Variants in NUB1 observed in about 807,000 individuals in gnomAD.
The protein encoded by NUB1 is negative regulator of ubiquitin like proteins 1.
A neutral mutation model predicts 77.1 loss-of-function variants in NUB1; 41 were observed. That is an observed-to-expected ratio of 0.53 (90% CI 0.41 to 0.69). The LOEUF is 0.69. NUB1 is among the 30% of genes least tolerant of loss of function. NUB1 has a pLI of 0.00. For synonymous variants in NUB1, 257 were observed against 281.0 expected, an observed-to-expected ratio of 0.91 and a Z score of 0.85; for missense variants, 643 against 743.8, an observed-to-expected ratio of 0.86 and a Z score of 1.58.
At chr7:151,348,383 GT>G (rs202123795) in intron 2 of NUB1, among the ~76,000 whole-genome samples, 1 of 148,304 alleles carries the variant, frequency 6.7e-6, no homozygotes, top group East Asian at 2.0e-4. Flanking sequence ...TATTTTCTGG[GT>G]TTTTTTTTCA....
chr7:151,376,818 C>T lies in NUB1; in HGVS notation c.1669+7C>T, dbSNP rs1466966389. Reference sequence around the variant, plus strand: ...TCCCCTTCTGACTCCGCAGGTAGGTCTGAGGTCTTTGAGGGCCGCATTGAG... The same window carrying T: ...TCCCCTTCTGACTCCGCAGGTAGGTTTGAGGTCTTTGAGGGCCGCATTGAG... On this transcript the variant is annotated splice_region_variant and intron_variant, in intron 14 of 14. Coordinates refer to ENST00000568733, the MANE Select transcript of NUB1 (RefSeq NM_001243351.2). The T allele has an allele frequency of 1.3e-6, 2 of 1,574,256 alleles. No homozygotes were observed.
chr7:151,369,560 C>T (rs183160944), intron 11 of NUB1, among the ~76,000 whole-genome samples: 10 of 152,254 alleles, frequency 6.6e-5, no homozygotes, highest in Non-Finnish European at 1.3e-4. Context: ...GGTTAAAAAA[C>T]TATAATCATT....
At chr7:151,367,342 A>G (rs1797740841) in intron 9 of NUB1, among the ~76,000 whole-genome samples, 2 of 152,204 alleles carry the variant, frequency 1.3e-5, no homozygotes, top group African/African-American at 4.8e-5. Context: ...CCAAAGGAAC[A>G]TGGTTTGCTA....
In NUB1 at chr7:151,374,239, T is replaced by C; in HGVS notation, c.1391T>C (p.Leu464Pro). 2 of 1,554,084 alleles carry C rather than the reference T, an allele frequency of 1.3e-6. No homozygotes were observed. Among genetic ancestry groups the C allele is most frequent in the Non-Finnish European group, 1.7e-6 (2 of 1,148,574 alleles). ...GCCAGCGGGAACTTGGATGAGGCCCTGAAGGTAGCAGCTCCCTCGGGGCCT... is the reference window on the plus strand; with the variant it reads ...GCCAGCGGGAACTTGGATGAGGCCCCGAAGGTAGCAGCTCCCTCGGGGCCT... ...HAASGNLDEA[L>P]KILLSNPQMW... is the part of the protein sequence containing the mutation. The change falls in exon 12 of 15, where the codon CTG becomes CCG. Residue 464 changes from leucine (L) to proline (P), a missense_variant. Coordinates refer to ENST00000568733, the MANE Select transcript of NUB1 (RefSeq NM_001243351.2).
Position 151,367,084 on chromosome 7 carries a change from A to C in NUB1, c.946A>C (p.Asn316His), listed in dbSNP as rs1480490681. The change falls in exon 9 of 15, where the codon AAT (asparagine) becomes CAT (histidine). Residue 316 changes from asparagine (N) to histidine (H), a missense_variant. Transcript: ENST00000568733. ...KLNLAQKCFKNCYGENHQRLV... is the reference protein window; with the variant it reads ...KLNLAQKCFKHCYGENHQRLV... Reference sequence around the variant, plus strand: ...AAACTTGGCCCAGAAATGCTTTAAAAATTGTTACGGAGAAAATCATCAGAG... The same window carrying C: ...AAACTTGGCCCAGAAATGCTTTAAACATTGTTACGGAGAAAATCATCAGAG... 1.9e-6 allele frequency: 3 copies of C among 1,613,896 alleles called. No homozygotes were observed. The highest frequency in any genetic ancestry group is 1.6e-4 in the Middle Eastern group (1 of 6,062).
Position 151,355,927 on chromosome 7 carries a change from G to T in NUB1, c.575G>T (p.Gly192Val). Residue 192 changes from glycine (G) to valine (V), a missense_variant, in exon 6 of 15, where the codon GGA becomes GTA. By Grantham distance (109) the Gly-to-Val change is moderately radical (BLOSUM62 -3). Transcript: ENST00000568733. ...AAACAAATTCAGAGGACCAAGAGAG[G>T]ACTAGAAATACTGGCAAAGAGAGGT... is the stretch of plus-strand genomic sequence containing the variant. ...KEKQIQRTKRGLEILAKRAAE... is the reference protein window; with the variant it reads ...KEKQIQRTKRVLEILAKRAAE... The T allele has an allele frequency of 6.2e-7, 1 of 1,613,824 alleles. No homozygotes were observed. The highest frequency in any genetic ancestry group is 1.3e-5 in the African/African-American group (1 of 75,002).
At chr7:151,345,734 G>T (rs921522511) in intron 2 of NUB1, among the ~76,000 whole-genome samples, 24 of 152,042 alleles carry the variant, frequency 1.6e-4, no homozygotes, top group African/African-American at 5.6e-4. Context: ...AACTCATTTT[G>T]ACCCATTAGT....
chr7:151,351,831 AT>A (rs908702212), intron 4 of NUB1, among the ~76,000 whole-genome samples: 3 of 151,138 alleles, frequency 2.0e-5, no homozygotes, highest in African/African-American at 4.9e-5. Flanking sequence ...TTGAATTACT[AT>A]TTTTTTTCCC....
intron 13 of NUB1, chr7:151,376,198 C>CTGTT (rs1306643520): frequency 6.1e-6 from 3 of 494,954 alleles, no homozygotes; most frequent in African/African-American, 5.8e-5. Context: ...CTATGCACCA[C>CTGTT]TGTTTGCATC....
chr7:151,352,314 G>A (rs1796849066), intron 4 of NUB1: 1 of 341,878 alleles, frequency 2.9e-6, no homozygotes, highest in Admixed American at 3.7e-5. Flanking sequence ...AAAGGACCTT[G>A]TCTCCTACAG....
chr7:151,352,555 A>T (rs946602533), intron 4 of NUB1, among the ~76,000 whole-genome samples: 1 of 152,060 alleles, frequency 6.6e-6, no homozygotes, highest in African/African-American at 2.4e-5. Flanking sequence ...CAATCCTCCT[A>T]CCCAAACCTC....
At chr7:151,341,873 C>T (rs1197938990) in intron 1 of NUB1, 27 bp downstream of exon 1, 2 of 1,486,958 alleles carry the variant, frequency 1.3e-6, no homozygotes, top group Non-Finnish European at 8.9e-7. Flanking sequence ...CGAGTGTCCT[C>T]GACCCCAGCC....
intron 11 of NUB1, among the ~76,000 whole-genome samples, chr7:151,369,887 A>G (rs1047715906): frequency 1.3e-5 from 2 of 152,210 alleles, no homozygotes; most frequent in Admixed American, 6.5e-5. Flanking sequence ...GGATGGGAGC[A>G]GGAAAGCCCC....
rs149934586 is a variant in NUB1, at chr7:151,353,012, G to A, written c.415+130G>A. 6.5e-3 allele frequency: 3,786 copies of A among 580,008 alleles called. 27 individuals are homozygous for A. The highest frequency in any genetic ancestry group is 6.7e-3 in the Non-Finnish European group (2,208 of 330,710). The allele number at this position is 580,008 out of a possible 1,614,324, so 35.9% of individuals were successfully genotyped here. ...TTTATAATCCAAAAGTGATTTAGAAGTTTACTAAAATAAAAATGTAAAGCA... is the reference window on the plus strand; with the variant it reads ...TTTATAATCCAAAAGTGATTTAGAAATTTACTAAAATAAAAATGTAAAGCA... On this transcript the variant is annotated intron_variant, in intron 5 of 14. Coordinates refer to ENST00000568733, the MANE Select transcript of NUB1 (RefSeq NM_001243351.2).
At chr7:151,350,721 A>G (rs1186080441) in intron 3 of NUB1, among the ~76,000 whole-genome samples, 1 of 152,190 alleles carries the variant, frequency 6.6e-6, no homozygotes, top group Non-Finnish European at 1.5e-5. Flanking sequence ...TACTGGAACA[A>G]TTTGTGCCCT....
chr7:151,356,024 T>G, intron 6 of NUB1, 74 bp downstream of exon 6: 1 of 1,553,954 alleles, frequency 6.4e-7, no homozygotes, highest in Non-Finnish European at 8.9e-7. Flanking sequence ...TGGGGGATCA[T>G]GGCTCTCACT....
rs17173104 is a variant in NUB1, at chr7:151,355,811, G to A, written c.459G>A (p.Ala153=). 708 of 1,608,202 alleles carry A rather than the reference G, an allele frequency of 4.4e-4. 4 individuals carry two copies. In the African/African-American group the frequency reaches 6.9e-3, roughly 16 times the overall value. Residue 153 remains alanine (A), a synonymous_variant, in exon 6 of 15, where the codon GCG becomes GCA. Coordinates refer to ENST00000568733, the MANE Select transcript of NUB1 (RefSeq NM_001243351.2). ...EEQGVAHNVK[A]MVLELKQSEE... The stretch of plus-strand genomic sequence containing the variant: ...AAGGCGTGGCTCACAATGTGAAAGC[G>A]ATGGTGCTTGAACTAAAACAATCTG...
chr7:151,352,818 T>C lies in NUB1; in HGVS notation c.351T>C (p.Ala117=). 6.5e-7 allele frequency: 1 copy of C among 1,544,794 alleles called. No individual in the cohort carries two copies. Among genetic ancestry groups the C allele is most frequent in the South Asian group, 1.1e-5 (1 of 87,346 alleles). The change falls in exon 5 of 15, where the codon GCT becomes GCC. Residue 117 remains alanine, a synonymous_variant. Coordinates refer to ENST00000568733, the MANE Select transcript of NUB1 (RefSeq NM_001243351.2). Reference sequence around the variant, plus strand: ...CACTGGTTTTATTTTACAGAATAGCTGAAACCTTTGGACTTCAAGAAAATT... The same window carrying C: ...CACTGGTTTTATTTTACAGAATAGCCGAAACCTTTGGACTTCAAGAAAATT... ...ITGRELRSKI[A]ETFGLQENYI...
chr7:151,375,029 G>A (rs1475714423), intron 12 of NUB1, among the ~76,000 whole-genome samples: 1 of 150,936 alleles, frequency 6.6e-6, no homozygotes, highest in Non-Finnish European at 1.5e-5. Flanking sequence ...CGGGGCTGGG[G>A]GGACAGAGAT....
Sources: allele counts gnomAD v4.1 joint callset (sites outside exome capture counted in the v4.1 genomes callset), GRCh38; gene constraint gnomAD v4.1.1; transcripts MANE v1.5; gene names NCBI Gene and HGNC (gene_info 2026-07-23, HGNC 2026-07-21).